The following PAMR1 variants were observed in gnomAD, a reference collection of about 807,000 sequenced individuals.
The protein encoded by PAMR1 is peptidase domain containing associated with muscle regeneration 1, also known as inactive serine protease PAMR1.
PAMR1 carries 88 observed loss-of-function variants against 81.8 expected under a neutral mutation model. The ratio of observed to expected loss-of-function variants is 1.08; its 90% CI spans 0.91 to 1.28. The LOEUF (loss-of-function observed/expected upper bound fraction) is 1.28, where lower values mean the gene tolerates loss of function less well. Among genes scored for constraint, PAMR1 ranks in the 50% most tolerant of loss-of-function variants. PAMR1 has a pLI of 0.00. For synonymous variants in PAMR1, 336 were observed against 345.3 expected, an observed-to-expected ratio of 0.97 and a Z score of 0.30; for missense variants, 935 against 919.7, an observed-to-expected ratio of 1.02 and a Z score of -0.21.
chr11:35,432,090 G>C lies in PAMR1; in HGVS notation c.*266C>G. The C allele has an allele frequency of 2.2e-6, 1 of 459,692 alleles. No homozygotes were observed. Among genetic ancestry groups the C allele is most frequent in the African/African-American group, 1.9e-5 (1 of 51,282 alleles). The allele number at this position is 459,692 out of a possible 1,614,324, so 28.5% of individuals were successfully genotyped here. On this transcript the variant is annotated 3_prime_UTR_variant, in exon 11 of 11. Transcript: ENST00000619888. Reference sequence around the variant, plus strand: ...GACCACCAGGTCAGTGGAGTGGAGAGGTTTTGTATATGGTCTTCTTTGAAG... The same window carrying C: ...GACCACCAGGTCAGTGGAGTGGAGACGTTTTGTATATGGTCTTCTTTGAAG...
chr11:35,438,222 T>C (rs1021210253), intron 8 of PAMR1, among the ~76,000 whole-genome samples: 1 of 152,208 alleles, frequency 6.6e-6, no homozygotes, highest in South Asian at 2.1e-4. Context: ...GTTACTTAAC[T>C]TCTCTGAGCT....
chr11:35,475,824 G>A (rs2135383882), intron 3 of PAMR1, among the ~76,000 whole-genome samples: 1 of 152,270 alleles, frequency 6.6e-6, no homozygotes, highest in South Asian at 2.1e-4. Context: ...ATTATAGCAA[G>A]AGACAGTAGG....
intron 1 of PAMR1, among the ~76,000 whole-genome samples, chr11:35,511,646 C>T (rs1405758806): frequency 3.9e-5 from 6 of 152,244 alleles, no homozygotes; most frequent in Middle Eastern, 3.4e-3. Flanking sequence ...CGTCTGAATT[C>T]TATAAACTTT....
intron 6 of PAMR1, among the ~76,000 whole-genome samples, chr11:35,457,352 T>G (rs960942976): frequency 1.3e-5 from 2 of 152,116 alleles, no homozygotes; most frequent in Non-Finnish European, 2.9e-5. Context: ...TTCTTAGGCC[T>G]TCAGATGCTT....
intron 6 of PAMR1, among the ~76,000 whole-genome samples, chr11:35,445,923 G>C (rs945234543): frequency 4.6e-5 from 7 of 152,160 alleles, no homozygotes; most frequent in African/African-American, 1.7e-4. Context: ...GATCCTCTCT[G>C]TACTTCTGGT....
intron 1 of PAMR1, among the ~76,000 whole-genome samples, chr11:35,512,913 C>G (rs1211597966): frequency 6.6e-6 from 1 of 152,134 alleles, no homozygotes; most frequent in African/African-American, 2.4e-5. Context: ...ATCGCATGAG[C>G]CTGGGAGGTC....
At chr11:35,441,778 T>C in intron 6 of PAMR1, 85 bp from the exon 7 acceptor site, 1 of 888,268 alleles carries the variant, frequency 1.1e-6, no homozygotes, top group Non-Finnish European at 1.7e-6. Context: ...TTCATTGAAC[T>C]AAAAATACAA....
chr11:35,525,688 T>A, upstream of PAMR1: 1 of 936,770 alleles, frequency 1.1e-6, no homozygotes. Context: ...GAGCCCCAGC[T>A]GAGCGGGAGC....
chr11:35,505,292 T>C (rs1056650103), intron 1 of PAMR1, among the ~76,000 whole-genome samples: 1 of 152,152 alleles, frequency 6.6e-6, no homozygotes, highest in Non-Finnish European at 1.5e-5. Flanking sequence ...TTCCATGTTC[T>C]GATGAAAATA....
At chr11:35,469,108 T>C (rs1347103069) in intron 5 of PAMR1, among the ~76,000 whole-genome samples, 1 of 152,192 alleles carries the variant, frequency 6.6e-6, no homozygotes, top group African/African-American at 2.4e-5. Context: ...CCATAGCTTG[T>C]TGGAGCAAGA....
intron 6 of PAMR1, among the ~76,000 whole-genome samples, chr11:35,450,439 G>T (rs1232184192): frequency 6.6e-6 from 1 of 152,144 alleles, no homozygotes; most frequent in African/African-American, 2.4e-5. Flanking sequence ...TACTGTGATG[G>T]TATAAAAAGG....
chr11:35,457,855 C>G (rs1856567599), intron 6 of PAMR1, among the ~76,000 whole-genome samples: 1 of 152,132 alleles, frequency 6.6e-6, no homozygotes, highest in African/African-American at 2.4e-5. Context: ...CATCATTATC[C>G]TACTCACAGA....
intron 3 of PAMR1, among the ~76,000 whole-genome samples, chr11:35,482,590 T>G (rs754795898): frequency 6.6e-6 from 1 of 152,246 alleles, no homozygotes; most frequent in Non-Finnish European, 1.5e-5. Flanking sequence ...AATGATAGTT[T>G]GATGGGAATA....
intron 6 of PAMR1, among the ~76,000 whole-genome samples, chr11:35,445,335 T>C (rs905117303): frequency 1.2e-4 from 18 of 152,232 alleles, no homozygotes; most frequent in Non-Finnish European, 2.6e-4. Flanking sequence ...ACTTTATTTC[T>C]TTCTCTTGCC....
At chr11:35,525,395 CCAAA>C (rs1421560512) in intron 1 of PAMR1, 114 bp downstream of exon 1, 2 of 806,730 alleles carry the variant, frequency 2.5e-6, no homozygotes, top group African/African-American at 3.4e-5. Flanking sequence ...ACCCCTCACC[CCAAA>C]CACACACAGC....
At chr11:35,469,872 C>T (rs567567827) in intron 5 of PAMR1, among the ~76,000 whole-genome samples, 16 of 152,128 alleles carry the variant, frequency 1.1e-4, no homozygotes, top group South Asian at 8.3e-4. Flanking sequence ...GATCTCAGAA[C>T]GATGAGAGTG....
intron 1 of PAMR1, among the ~76,000 whole-genome samples, chr11:35,515,615 A>G (rs1350300552): frequency 2.0e-5 from 3 of 152,186 alleles, no homozygotes; most frequent in African/African-American, 7.2e-5. Flanking sequence ...AGGGGGCCTC[A>G]GTGTTTGGGG....
intron 3 of PAMR1, among the ~76,000 whole-genome samples, chr11:35,479,661 T>C (rs970502413): frequency 3.3e-5 from 5 of 152,148 alleles, no homozygotes; most frequent in Admixed American, 3.3e-4. Flanking sequence ...CAGACAGTGA[T>C]AGCAGAGCCA....
In PAMR1 at chr11:35,432,744, TG is replaced by T; in HGVS notation, c.1774del (p.Gln592ArgfsTer16). 6.2e-7 allele frequency: 1 copy of T among 1,614,008 alleles called. No individual in the cohort carries two copies. Among genetic ancestry groups the T allele is most frequent in the Non-Finnish European group, 8.5e-7 (1 of 1,180,010 alleles). On this transcript the variant is annotated frameshift_variant, in exon 11 of 11. Transcript: ENST00000619888. LOFTEE classifies it high-confidence loss of function. The part of the protein sequence containing the change: ...AASRDLSTSF[Q>X]ESHITVAGWN... ...GCCAGCCACAGTGATGTGGGACTCC[TG>T]GAAGGAAGTGCTGAGATCCCGACTG...
Sources: gnomAD v4.1 joint callset for allele counts (sites outside exome capture counted in the v4.1 genomes callset) on GRCh38, gnomAD v4.1.1 for gene constraint, MANE v1.5 for transcripts, NCBI Gene and HGNC (gene_info 2026-07-23, HGNC 2026-07-21) for gene names.